Variants in CLPTM1L observed in about 807,000 individuals in gnomAD.
CLPTM1L encodes lipid scramblase CLPTM1L.
A neutral mutation model predicts 70.9 loss-of-function variants in CLPTM1L; 38 were observed. That is an observed-to-expected ratio of 0.54 (90% confidence interval 0.41 to 0.70). CLPTM1L has a LOEUF of 0.70. CLPTM1L is among the 30% of genes least tolerant of loss of function. CLPTM1L has a pLI of 0.00. For synonymous variants in CLPTM1L, 339 were observed against 299.9 expected, an observed-to-expected ratio of 1.13 and a Z score of -1.35; for missense variants, 652 against 705.9, an observed-to-expected ratio of 0.92 and a Z score of 0.87.
intron 2 of CLPTM1L, among the ~76,000 whole-genome samples, chr5:1,343,893 A>G (rs981468950): frequency 6.6e-6 from 1 of 152,252 alleles, no homozygotes; most frequent in Non-Finnish European, 1.5e-5. Context: ...ATATTTGGAC[A>G]TTGATCTATT....
chr5:1,322,263 G>T (rs1752201252), intron 13 of CLPTM1L, among the ~76,000 whole-genome samples: 1 of 152,202 alleles, frequency 6.6e-6, no homozygotes, highest in African/African-American at 2.4e-5. Context: ...TTCCCAAAGA[G>T]ACCACAAAGC....
chr5:1,324,039 C>T, intron 11 of CLPTM1L, 170 bp from the exon 12 acceptor site: 1 of 616,540 alleles, frequency 1.6e-6, no homozygotes, highest in East Asian at 2.7e-5. Flanking sequence ...GCATCGCACA[C>T]TCGCCACAGC....
At chr5:1,327,368 G>A (rs66506818) in intron 9 of CLPTM1L, among the ~76,000 whole-genome samples, 144 of 88,366 alleles carry the variant, frequency 1.6e-3, no homozygotes, top group South Asian at 3.4e-3. Context: ...TCCTCTACAG[G>A]CACATTCCAT....
Position 1,334,388 on chromosome 5 carries a change from C to T in CLPTM1L, c.797-5G>A. 1 of 1,529,758 alleles carries T rather than the reference C, an allele frequency of 6.5e-7. No individual in the cohort carries two copies. The highest frequency in any genetic ancestry group is 1.5e-5 in the African/African-American group (1 of 66,446). 94.8% of individuals were successfully genotyped at this position (1,529,758 alleles called of 1,614,324 possible). On this transcript the variant is annotated splice_polypyrimidine_tract_variant and splice_region_variant and intron_variant, in intron 6 of 16. Coordinates refer to ENST00000320895, the MANE Select transcript of CLPTM1L (RefSeq NM_030782.5). ...CAGCATCTTTCTCTGAAAACCCTGT[C>T]AAGGAAAAAAAAACATACAATATAA...
chr5:1,317,855 G>C lies in CLPTM1L; in HGVS notation c.*514C>G, dbSNP rs1252269921. 6.5e-6 allele frequency: 1 copy of C among 153,012 alleles called. No homozygotes were observed. Among genetic ancestry groups the C allele is most frequent in the African/African-American group, 2.4e-5 (1 of 41,454 alleles). The allele number at this position is 153,012 out of a possible 1,614,324, so 9.5% of individuals were successfully genotyped here. A position where few individuals can be genotyped will look rare whatever the true frequency, so the allele number is the denominator to read the frequency against. On this transcript the variant is annotated 3_prime_UTR_variant, in exon 17 of 17. Transcript: ENST00000320895. ...TATCCGAAATACTTTCATTATACCA[G>C]GTCAAGAAAAATGCCACAGCCAGAA...
chr5:1,322,772 C>A, intron 13 of CLPTM1L, 105 bp downstream of exon 13: 1 of 1,218,266 alleles, frequency 8.2e-7, no homozygotes, highest in Non-Finnish European at 1.2e-6. Context: ...AGGGATTAGC[C>A]TCAAATCACA....
At chr5:1,327,839 C>T (rs371072908) in intron 9 of CLPTM1L, among the ~76,000 whole-genome samples, 13 of 137,510 alleles carry the variant, frequency 9.5e-5, no homozygotes, top group African/African-American at 2.5e-4. Flanking sequence ...CAGACACATT[C>T]CATCCAGCTC....
rs1752681561 is a variant in CLPTM1L, at chr5:1,327,462, CCATCCAGCTCCTCCTCTACAGGGACATTT to C, written c.1081-1675_1081-1647del. On this transcript the variant is annotated intron_variant, in intron 9 of 16. Transcript: ENST00000320895. ...CCAGCTCCTCCTCTACAGGGACATT[CCATCCAGCTCCTCCTCTACAGGGACATTT>C]CATCCAGCTCCTCCTCTACAGGGAC... 3.3e-4 allele frequency among the ~76,000 whole-genome samples: 47 copies of C among 142,420 alleles called. 1 individual carries two copies. In the Middle Eastern group the frequency reaches 0.013, roughly 39 times the overall value. 93.4% of individuals were successfully genotyped at this position (142,420 alleles called of 152,430 possible).
At chr5:1,344,519 CCAGCTGGAGGGCGGAAGA>C in intron 1 of CLPTM1L, 68 bp from the exon 2 acceptor site, 1 of 1,513,550 alleles carries the variant, frequency 6.6e-7, no homozygotes, top group South Asian at 1.1e-5. Flanking sequence ...AATCCCACGG[CCAGCTGGAGGGCGGAAGA>C]CCTGGCCGCT....
chr5:1,328,826 T>G (rs2111220009), intron 9 of CLPTM1L, among the ~76,000 whole-genome samples: 1 of 151,196 alleles, frequency 6.6e-6, no homozygotes, highest in African/African-American at 2.4e-5. Flanking sequence ...ACAGACACAT[T>G]GCATCCAGCT....
At position 1,321,836 on chromosome 5, in the gene CLPTM1L, A is replaced by T; in HGVS notation, c.1316-17T>A. 1.9e-6 allele frequency: 3 copies of T among 1,611,402 alleles called. No homozygotes were observed. Among genetic ancestry groups the T allele is most frequent in the Non-Finnish European group, 2.5e-6 (3 of 1,178,682 alleles). On this transcript the variant is annotated splice_polypyrimidine_tract_variant and intron_variant, in intron 13 of 16. Transcript: ENST00000320895. ...CATAGACCCCTGCAGAAAGACAGAC[A>T]GCACTCACGAGGTGCGGAGGGCCGG... is the stretch of plus-strand genomic sequence containing the variant.
chr5:1,331,222 G>A (rs1458553181), intron 8 of CLPTM1L: 1 of 154,630 alleles, frequency 6.5e-6, no homozygotes, highest in East Asian at 1.9e-4. Context: ...CCCTTGGCCA[G>A]GAACACTGGT....
intron 1 of CLPTM1L, 99 bp downstream of exon 1, chr5:1,344,581 C>T: frequency 6.8e-7 from 1 of 1,462,242 alleles, no homozygotes; most frequent in Non-Finnish European, 9.3e-7. Context: ...TCGACTCGCG[C>T]GGCCACAGCT....
In CLPTM1L at chr5:1,342,597, GTC is replaced by G. The variant is rs1754020127; in HGVS notation, c.264-739_264-738del. The stretch of plus-strand genomic sequence containing the variant: ...CATGAGTTCTTCTTCCTCTTTAAAA[GTC>G]TCTTTTTTGAGACAAGGTCTCGCTG... On this transcript the variant is annotated intron_variant, in intron 2 of 16. Transcript: ENST00000320895. This position sits in a 1 kb window ranked among gnomAD's most constrained non-coding sequence, Gnocchi z 4.3. 2.6e-5 allele frequency among the ~76,000 whole-genome samples: 4 copies of G among 152,182 alleles called. No homozygotes were observed. The highest frequency in any genetic ancestry group is 2.6e-4 in the Admixed American group (4 of 15,278).
chr5:1,339,702 C>A lies in CLPTM1L; in HGVS notation c.454-697G>T, dbSNP rs1392458065. Among the ~76,000 whole-genome samples the A allele has an allele frequency of 1.4e-4, 11 of 76,136 alleles. 2 individuals carry two copies. The highest frequency in any genetic ancestry group is 2.7e-4 in the Non-Finnish European group (11 of 40,660). The allele number at this position is 76,136 out of a possible 152,430, so 49.9% of individuals were successfully genotyped here. On this transcript the variant is annotated intron_variant, in intron 3 of 16. Transcript: ENST00000320895. ...ACAGATGGGCAAACTGTGCCCGGGA[C>A]AGCAGAGTCAGCGCCCTAACCTGTG...
intron 12 of CLPTM1L, 53 bp from the exon 13 acceptor site, chr5:1,322,964 T>TA: frequency 1.3e-6 from 2 of 1,498,492 alleles, no homozygotes; most frequent in Non-Finnish European, 1.9e-6. Context: ...TTAATATCTG[T>TA]ATTAAATTGA....
intron 9 of CLPTM1L, among the ~76,000 whole-genome samples, chr5:1,327,165 G>GCACATTCCATCCAGCTCCTCCTCTACAGA (rs1752647574): frequency 3.1e-5 from 3 of 97,394 alleles, no homozygotes; most frequent in East Asian, 3.5e-4. Context: ...TCCTCTACAG[G>GCACATTCCATCCAGCTCCTCCTCTACAGA]CACATTCCAT....
In CLPTM1L at chr5:1,341,729, G is replaced by C. The variant is rs998077545; in HGVS notation, c.395C>G (p.Thr132Ser). Residue 132 changes from threonine to serine, a missense_variant, in exon 3 of 17, where the codon ACC (threonine) becomes AGC (serine). Physicochemically the swap from Thr to Ser is moderately conservative, Grantham distance 58 (BLOSUM62 1). This residue lies in a region of CLPTM1L where 402 missense variants were observed against 388.2 expected (regional missense o/e 1.04). Coordinates refer to ENST00000320895, the MANE Select transcript of CLPTM1L (RefSeq NM_030782.5). The part of the protein sequence containing the change: ...KQVHLVSPLT[T>S]YMVPKPEEIN... ...TTCTTCTGGCTTGGGGACCATGTAG[G>C]TGGTCAGAGGACTGACCAGGTGCAC... 1 of 1,613,810 alleles carries C rather than the reference G, an allele frequency of 6.2e-7. No homozygotes were observed. Among genetic ancestry groups the C allele is most frequent in the African/African-American group, 1.3e-5 (1 of 74,926 alleles).
At position 1,334,822 on chromosome 5, in the gene CLPTM1L, C is replaced by G. The variant is rs570115726; in HGVS notation, c.796+235G>C. ...TCATCAACAGTTAAGGTTCATTTGA[C>G]CAAACTCATGGCATTTCACATATTA... On this transcript the variant is annotated intron_variant, in intron 6 of 16. Transcript: ENST00000320895. Among the ~76,000 whole-genome samples the G allele has an allele frequency of 3.3e-5, 5 of 152,344 alleles. No individual in the cohort carries two copies. In the South Asian group the frequency reaches 1.0e-3, roughly 32 times the overall value.
Sources: gnomAD v4.1 joint callset for allele counts (sites outside exome capture counted in the v4.1 genomes callset) on GRCh38, gnomAD v4.1.1 for gene constraint, gnomAD v4.1.1 regional missense constraint, Gnocchi (gnomAD v3.1) non-coding constraint, MANE v1.5 for transcripts, NCBI Gene and HGNC (gene_info 2026-07-23, HGNC 2026-07-21) for gene names.